Variants in RNGTT observed in about 807,000 individuals in gnomAD.
RNGTT encodes RNA guanylyltransferase and 5'-phosphatase.
A neutral mutation model predicts 79.3 loss-of-function variants in RNGTT; 33 were observed. That is an observed-to-expected ratio of 0.42 (90% CI 0.32 to 0.56). RNGTT has a LOEUF of 0.56. Ranked by LOEUF, RNGTT falls within the 20% of genes least tolerant of loss-of-function variation. The pLI, the probability that RNGTT is intolerant of heterozygous loss-of-function variation, is 0.17. For synonymous variants in RNGTT, 222 were observed against 235.9 expected (o/e 0.94, Z 0.54); for missense variants, 497 against 739.1 (o/e 0.67, Z 3.80).
chr6:88,902,853 G>A (rs1019360587), intron 6 of RNGTT, among the ~76,000 whole-genome samples: 2 of 151,542 alleles, frequency 1.3e-5, no homozygotes, highest in South Asian at 2.1e-4. Context: ...CCGCCACCAC[G>A]CCCAGCTAAT....
chr6:88,666,891 A>T (rs1388366841), intron 14 of RNGTT, among the ~76,000 whole-genome samples: 1 of 151,620 alleles, frequency 6.6e-6, no homozygotes, highest in Non-Finnish European at 1.5e-5. Flanking sequence ...ATTTATACTG[A>T]CTCTCGGTAT....
At chr6:88,667,922 T>G (rs931038313) in intron 14 of RNGTT, among the ~76,000 whole-genome samples, 1 of 152,136 alleles carries the variant, frequency 6.6e-6, no homozygotes, top group African/African-American at 2.4e-5. Context: ...TAAAATCAGG[T>G]GTACTCCTTC....
At chr6:88,750,783 A>G (rs72925507) in intron 13 of RNGTT, among the ~76,000 whole-genome samples, 2,136 of 152,254 alleles carry the variant, frequency 0.014, 19 homozygotes, top group Middle Eastern at 0.027. Context: ...CAAGTGAACC[A>G]TCTTCTCTGG....
chr6:88,908,934 G>A (rs1303511866), intron 4 of RNGTT, among the ~76,000 whole-genome samples: 2 of 151,814 alleles, frequency 1.3e-5, no homozygotes, highest in Non-Finnish European at 2.9e-5. Context: ...CCTGCTGGCT[G>A]ATCCTAAGGG....
At chr6:88,660,448 G>A (rs1774139740) in intron 14 of RNGTT, among the ~76,000 whole-genome samples, 1 of 151,430 alleles carries the variant, frequency 6.6e-6, no homozygotes, top group Non-Finnish European at 1.5e-5. Context: ...ATAAACTCCA[G>A]GTAAAGAGGT....
chr6:88,826,354 T>C (rs1345577893), intron 11 of RNGTT, among the ~76,000 whole-genome samples: 4 of 152,208 alleles, frequency 2.6e-5, no homozygotes, highest in Non-Finnish European at 5.9e-5. Flanking sequence ...CTTAGAGAAG[T>C]TAACTTAAAC....
chr6:88,851,666 A>C (rs1582542304), intron 9 of RNGTT, among the ~76,000 whole-genome samples: 1 of 152,206 alleles, frequency 6.6e-6, no homozygotes, highest in East Asian at 1.9e-4. Flanking sequence ...CAAAAGCTTC[A>C]ATGCTCACAT....
chr6:88,936,874 C>T (rs1396509995), intron 2 of RNGTT, among the ~76,000 whole-genome samples: 1 of 152,190 alleles, frequency 6.6e-6, no homozygotes, highest in East Asian at 1.9e-4. Context: ...GTGGTGAAGG[C>T]ATCCGGTCCT....
chr6:88,774,264 A>T, intron 12 of RNGTT, among the ~76,000 whole-genome samples: 1 of 152,136 alleles, frequency 6.6e-6, no homozygotes, highest in East Asian at 1.9e-4. Context: ...AATCAAATGG[A>T]GATACCACTT....
intron 8 of RNGTT, among the ~76,000 whole-genome samples, chr6:88,885,980 A>G (rs1429154922): frequency 6.6e-6 from 1 of 152,202 alleles, no homozygotes; most frequent in Admixed American, 6.5e-5. Context: ...ATGCTATTCA[A>G]AAGTGTCAAA....
intron 14 of RNGTT, among the ~76,000 whole-genome samples, chr6:88,617,763 T>TCTA (rs1772286953): frequency 6.6e-6 from 1 of 152,098 alleles, no homozygotes; most frequent in Non-Finnish European, 1.5e-5. Flanking sequence ...ATTTTAGTAG[T>TCTA]ATAGATGTTT....
intron 11 of RNGTT, among the ~76,000 whole-genome samples, chr6:88,833,263 T>C (rs1459209610): frequency 2.6e-5 from 4 of 152,228 alleles, no homozygotes; most frequent in African/African-American, 7.2e-5. Flanking sequence ...GATGAGTTCA[T>C]GTCCTTTTCA....
chr6:88,656,282 G>A (rs1030713222), intron 14 of RNGTT, among the ~76,000 whole-genome samples: 4 of 152,174 alleles, frequency 2.6e-5, no homozygotes, highest in Admixed American at 2.0e-4. Flanking sequence ...CGTCTTGGAT[G>A]AGGATGAAAT....
At chr6:88,781,133 G>A (rs529680144) in intron 12 of RNGTT, among the ~76,000 whole-genome samples, 5 of 152,248 alleles carry the variant, frequency 3.3e-5, no homozygotes, top group East Asian at 1.9e-4. Flanking sequence ...CATTAGTAAC[G>A]GCAAAGGAGC....
At chr6:88,693,084 A>G (rs1337015590) in intron 13 of RNGTT, among the ~76,000 whole-genome samples, 1 of 152,012 alleles carries the variant, frequency 6.6e-6, no homozygotes, top group Non-Finnish European at 1.5e-5. Context: ...GGAAACAGAA[A>G]AAGAAAAAGC....
At chr6:88,903,796 A>G (rs909200247) in intron 6 of RNGTT, among the ~76,000 whole-genome samples, 2 of 152,186 alleles carry the variant, frequency 1.3e-5, no homozygotes, top group African/African-American at 4.8e-5. Flanking sequence ...CATTAACACA[A>G]TTACCTCCAT....
rs545461786 is a variant in RNGTT at position 88,706,017 on chromosome 6, A to G, written c.1440-27598T>C. Among the ~76,000 whole-genome samples, 102 of 152,120 alleles carry G rather than the reference A, an allele frequency of 6.7e-4. 1 individual carries two copies. Among genetic ancestry groups the G allele is most frequent in the Non-Finnish European group, 1.2e-3 (80 of 67,978 alleles). On this transcript the variant is annotated intron_variant, in intron 13 of 15. Coordinates refer to ENST00000369485, the MANE Select transcript of RNGTT (RefSeq NM_003800.5). ...AGGAAAGAGAAATGAGTAGAATACCATAAGAGATCCCAACAATAAAGAGAC... is the reference window on the plus strand; with the variant it reads ...AGGAAAGAGAAATGAGTAGAATACCGTAAGAGATCCCAACAATAAAGAGAC...
At chr6:88,850,582 T>C (rs1056791532) in intron 9 of RNGTT, among the ~76,000 whole-genome samples, 20 of 150,890 alleles carry the variant, frequency 1.3e-4, no homozygotes, top group Admixed American at 8.7e-4. Context: ...AGAAATTCCA[T>C]GTACAACCAT....
intron 14 of RNGTT, among the ~76,000 whole-genome samples, chr6:88,640,871 T>C (rs1773289113): frequency 6.6e-6 from 1 of 152,154 alleles, no homozygotes; most frequent in Non-Finnish European, 1.5e-5. Flanking sequence ...AAGGTCCCTA[T>C]TAATGGAAAG....
Sources: allele counts gnomAD v4.1 joint callset (sites outside exome capture counted in the v4.1 genomes callset), GRCh38; gene constraint gnomAD v4.1.1; transcripts MANE v1.5; gene names NCBI Gene and HGNC (gene_info 2026-07-23, HGNC 2026-07-21).